Variants in KNL1 observed in about 807,000 individuals in gnomAD.
The protein encoded by KNL1 is kinetochore scaffold 1, also known as outer kinetochore KNL1 complex subunit KNL1.
A neutral mutation model predicts 201.3 loss-of-function variants in KNL1; 66 were observed. The ratio of observed to expected loss-of-function variants is 0.33; its 90% confidence interval spans 0.27 to 0.40. The LOEUF is 0.40. Ranked by LOEUF, KNL1 falls within the 10% of genes least tolerant of loss-of-function variation. The pLI is 1.00. For synonymous variants in KNL1, 895 were observed against 899.2 expected (o/e 1.00, Z 0.08); for missense variants, 2,815 against 2,690.5 (o/e 1.05, Z -1.02).
At chr15:40,642,292 G>A (rs537562131) in intron 14 of KNL1, among the ~76,000 whole-genome samples, 5 of 152,004 alleles carry the variant, frequency 3.3e-5, no homozygotes, top group East Asian at 1.9e-4. Flanking sequence ...CCAGCTACTC[G>A]GGAGGCTGAG....
chr15:40,659,148 G>A (rs1278285447), intron 24 of KNL1, among the ~76,000 whole-genome samples, 191 bp from the exon 25 acceptor site: 1 of 151,112 alleles, frequency 6.6e-6, no homozygotes, highest in Non-Finnish European at 1.5e-5. Context: ...TGTGGTGGCA[G>A]GCACCTGTAA....
At chr15:40,637,513 C>T (rs1305540252) in intron 13 of KNL1, among the ~76,000 whole-genome samples, 1 of 151,942 alleles carries the variant, frequency 6.6e-6, no homozygotes, top group East Asian at 1.9e-4. Flanking sequence ...TCCAAAAAAC[C>T]ACAAATCTGA....
At chr15:40,638,440 T>G (rs1271438849) in intron 13 of KNL1, among the ~76,000 whole-genome samples, 1 of 152,104 alleles carries the variant, frequency 6.6e-6, no homozygotes, top group Non-Finnish European at 1.5e-5. Flanking sequence ...TGCCTCAACC[T>G]CCTGGGATTA....
At chr15:40,600,078 T>TAA (rs1474282769) in intron 1 of KNL1, among the ~76,000 whole-genome samples, 1 of 145,660 alleles carries the variant, frequency 6.9e-6, no homozygotes, top group Non-Finnish European at 1.5e-5. Flanking sequence ...GGGATTCCTT[T>TAA]TTTTTTTTTT....
chr15:40,614,084 C>T (rs1244601459), intron 7 of KNL1, among the ~76,000 whole-genome samples: 1 of 148,594 alleles, frequency 6.7e-6, no homozygotes, highest in Non-Finnish European at 1.5e-5. Flanking sequence ...AGGCGTGAGC[C>T]ACCACGCCTG....
chr15:40,644,330 G>T (rs560948124), intron 14 of KNL1, among the ~76,000 whole-genome samples: 2 of 152,350 alleles, frequency 1.3e-5, no homozygotes, highest in South Asian at 4.1e-4. Flanking sequence ...TAACAAGGCA[G>T]CATTGCTGCA....
intron 5 of KNL1, 142 bp from the exon 6 acceptor site, chr15:40,610,103 A>G (rs905277063): frequency 3.1e-5 from 16 of 510,012 alleles, no homozygotes; most frequent in African/African-American, 5.9e-5. Context: ...GGCATTTGAA[A>G]TACTAGGAGT....
At chr15:40,643,362 A>G (rs556686508) in intron 14 of KNL1, 1 of 152,132 alleles carries the variant, frequency 6.6e-6, no homozygotes, top group East Asian at 1.9e-4. Flanking sequence ...ACGAGGTTTC[A>G]CCGTATTAGC....
chr15:40,643,122 T>G (rs1395199711), intron 14 of KNL1: 1 of 152,236 alleles, frequency 6.6e-6, no homozygotes, highest in Non-Finnish European at 1.5e-5. Context: ...ACTTTGCTGC[T>G]TTTATAGATG....
chr15:40,625,050 G>A lies in KNL1; in HGVS notation c.4786G>A (p.Asp1596Asn). Residue 1596 changes from aspartate to asparagine, a missense_variant, in exon 10 of 26, where the codon GAT becomes AAT. Transcript: ENST00000399668. The stretch of plus-strand genomic sequence containing the variant: ...TGAATTAGGAAATAAGGCACACAAT[G>A]ATATGCATATAGTGCAAGCTACAGA... ...LLELGNKAHN[D>N]MHIVQATEIH... 6.2e-7 allele frequency: 1 copy of A among 1,613,754 alleles called. No individual in the cohort carries two copies. The highest frequency in any genetic ancestry group is 8.5e-7 in the Non-Finnish European group (1 of 1,179,824).
In KNL1 at chr15:40,623,100, G is replaced by T; in HGVS notation, c.2836G>T (p.Val946Leu). 4 of 1,613,844 alleles carry T rather than the reference G, an allele frequency of 2.5e-6. No homozygotes were observed. Among genetic ancestry groups the T allele is most frequent in the Non-Finnish European group, 3.4e-6 (4 of 1,179,862 alleles). ...GCCTATGGACAAAACTGTAGTGTTTGTAGATAATCATGTTGAACTAGAAAT... is the reference window on the plus strand; with the variant it reads ...GCCTATGGACAAAACTGTAGTGTTTTTAGATAATCATGTTGAACTAGAAAT... ...TRPMDKTVVFVDNHVELEMTE... is the reference protein window; with the variant it reads ...TRPMDKTVVFLDNHVELEMTE... The change falls in exon 10 of 26, where the codon GTA (valine) becomes TTA (leucine). Residue 946 changes from valine to leucine, a missense_variant. Val to Leu is a conservative substitution (Grantham distance 32). This residue lies in a region of KNL1 where 2,464 missense variants were observed against 2,291.7 expected (regional missense o/e 1.08). Coordinates refer to ENST00000399668, the MANE Select transcript of KNL1 (RefSeq NM_144508.5).
chr15:40,651,459 T>C lies in KNL1; in HGVS notation c.6213-12T>C, dbSNP rs749158981. 94 of 1,573,394 alleles carry C rather than the reference T, an allele frequency of 6.0e-5. No individual in the cohort carries two copies. Among genetic ancestry groups the C allele is most frequent in the Non-Finnish European group, 7.7e-5 (89 of 1,159,482 alleles). On this transcript the variant is annotated splice_polypyrimidine_tract_variant and intron_variant, in intron 19 of 25. Coordinates refer to ENST00000399668, the MANE Select transcript of KNL1 (RefSeq NM_144508.5). The stretch of plus-strand genomic sequence containing the variant: ...AAACCTTATCTCTCTGAATACCTGC[T>C]TTTATTTGCAGAAATCTCTTAGAAC...
chr15:40,644,647 G>T (rs978210581), intron 14 of KNL1, among the ~76,000 whole-genome samples: 1 of 152,114 alleles, frequency 6.6e-6, no homozygotes, highest in African/African-American at 2.4e-5. Flanking sequence ...GCGGCTTTCC[G>T]CAGTGCATTG....
Position 40,659,610 on chromosome 15 carries a change from A to G in KNL1, c.6836+149A>G, listed in dbSNP as rs1387461697. On this transcript the variant is annotated intron_variant, in intron 25 of 25. Coordinates refer to ENST00000399668, the MANE Select transcript of KNL1 (RefSeq NM_144508.5). Reference sequence around the variant, plus strand: ...CGGGTTCACGCCATTCTCCTGCCTCAGCCTCCTGAGTAGCTGGGACTACAG... The same window carrying G: ...CGGGTTCACGCCATTCTCCTGCCTCGGCCTCCTGAGTAGCTGGGACTACAG... 14 of 546,042 alleles carry G rather than the reference A, an allele frequency of 2.6e-5. No individual in the cohort carries two copies. The South Asian group carries it at 3.9e-4, about 15-fold the overall frequency. 33.8% of individuals were successfully genotyped at this position (546,042 alleles called of 1,614,324 possible).
intron 20 of KNL1, 63 bp from the exon 21 acceptor site, chr15:40,651,942 A>G (rs1893577279): frequency 9.0e-7 from 1 of 1,112,796 alleles, no homozygotes; most frequent in African/African-American, 1.5e-5. Flanking sequence ...GGGTGGTATC[A>G]GAAGTTCTCT....
intron 19 of KNL1, 86 bp from the exon 20 acceptor site, chr15:40,651,385 G>A (rs889359715): frequency 1.3e-6 from 1 of 745,690 alleles, no homozygotes; most frequent in African/African-American, 1.8e-5. Flanking sequence ...TGTAGCATGT[G>A]ACTTCTTATC....
rs747835912 is a variant in KNL1, at chr15:40,625,128, G to A, written c.4864G>A (p.Glu1622Lys). 1.4e-5 allele frequency: 23 copies of A among 1,613,896 alleles called. No homozygotes were observed. Among genetic ancestry groups the A allele is most frequent in the Non-Finnish European group, 1.9e-5 (23 of 1,179,976 alleles). ...CAATGCTAAAGATAGTAGAGATGAG[G>A]AAAATAAAAAGTCTCATAATGGAGC... is the stretch of plus-strand genomic sequence containing the variant. ...SSNAKDSRDE[E>K]NKKSHNGAET... is the part of the protein sequence containing the mutation. The change falls in exon 10 of 26, where the codon GAA becomes AAA. Residue 1622 changes from glutamate to lysine, a missense_variant. Transcript: ENST00000399668.
At chr15:40,605,681 C>T (rs1368051707) in intron 3 of KNL1, among the ~76,000 whole-genome samples, 2 of 152,130 alleles carry the variant, frequency 1.3e-5, no homozygotes, top group African/African-American at 4.8e-5. Context: ...AACTCCTGGC[C>T]TCAAGTGATC....
intron 13 of KNL1, among the ~76,000 whole-genome samples, chr15:40,633,912 T>G (rs1005939954): frequency 3.3e-5 from 5 of 152,158 alleles, no homozygotes; most frequent in East Asian, 1.9e-4. Context: ...AGGCAAGTCC[T>G]TCAGGAGTTA....
Sources: gnomAD v4.1 joint callset for allele counts (sites outside exome capture counted in the v4.1 genomes callset) on GRCh38, gnomAD v4.1.1 for gene constraint, gnomAD v4.1.1 regional missense constraint, MANE v1.5 for transcripts, NCBI Gene and HGNC (gene_info 2026-07-23, HGNC 2026-07-21) for gene names.